TBC1D22A: variants seen among roughly 807,000 people sequenced by gnomAD.
TBC1D22A encodes TBC1 domain family member 22A.
TBC1D22A carries 38 observed loss-of-function variants against 60.2 expected under a neutral mutation model. The ratio of observed to expected loss-of-function variants is 0.63; its 90% CI spans 0.49 to 0.83. The LOEUF (loss-of-function observed/expected upper bound fraction) is 0.83. Ranked by LOEUF, TBC1D22A falls within the 40% of genes least tolerant of loss-of-function variation. TBC1D22A has a pLI of 0.00. For synonymous variants in TBC1D22A, 302 were observed against 281.7 expected, an observed-to-expected ratio of 1.07 and a Z score of -0.72; for missense variants, 628 against 701.0, an observed-to-expected ratio of 0.90 and a Z score of 1.18.
intron 1 of TBC1D22A, among the ~76,000 whole-genome samples, chr22:46,776,968 C>T (rs1020917067): frequency 6.6e-6 from 1 of 151,950 alleles, no homozygotes; most frequent in African/African-American, 2.4e-5. Flanking sequence ...AGAGCTGAGG[C>T]CAAACCCTGG....
intron 1 of TBC1D22A, among the ~76,000 whole-genome samples, chr22:46,781,691 C>T (rs2083943968): frequency 6.6e-6 from 1 of 152,226 alleles, no homozygotes; most frequent in Admixed American, 6.5e-5. Flanking sequence ...GGGCATCTCT[C>T]TGCCGGCCCC....
At chr22:47,013,627 G>A (rs1258357886) in intron 10 of TBC1D22A, among the ~76,000 whole-genome samples, 11 of 152,172 alleles carry the variant, frequency 7.2e-5, no homozygotes, top group Admixed American at 7.2e-4. Context: ...AGGTGGAAAC[G>A]CATTGCCTTT....
At chr22:46,863,026 G>T (rs1320123283) in intron 4 of TBC1D22A, among the ~76,000 whole-genome samples, 3 of 152,242 alleles carry the variant, frequency 2.0e-5, no homozygotes, top group East Asian at 1.9e-4. Flanking sequence ...CATAGTCTGC[G>T]CAGGGTAAGC....
rs141703621 is a variant in TBC1D22A at position 47,147,242 on chromosome 22, C to A, written c.1426-26256C>A. ...GAGCAATACTAAACCAACTCGGAGT[C>A]GGTCTGCTTTTGCTATAATCAGTTG... On this transcript the variant is annotated intron_variant, in intron 12 of 12. Coordinates refer to ENST00000337137, the MANE Select transcript of TBC1D22A (RefSeq NM_014346.5). Among the ~76,000 whole-genome samples, 30 of 152,340 alleles carry A rather than the reference C, an allele frequency of 2.0e-4. 1 individual carries two copies. In the East Asian group the frequency reaches 5.6e-3, roughly 28 times the overall value.
chr22:47,049,651 C>T (rs375394392), intron 11 of TBC1D22A, among the ~76,000 whole-genome samples: 68 of 152,302 alleles, frequency 4.5e-4, no homozygotes, highest in African/African-American at 1.6e-3. Flanking sequence ...AAACATAACA[C>T]AAATCAAATA....
At chr22:46,803,493 T>C (rs1418664691) in intron 4 of TBC1D22A, among the ~76,000 whole-genome samples, 1 of 152,132 alleles carries the variant, frequency 6.6e-6, no homozygotes, top group Non-Finnish European at 1.5e-5. Context: ...GGGAGGGCGG[T>C]TGGTTCTTGC....
chr22:47,063,317 C>T (rs2063644811), intron 11 of TBC1D22A, among the ~76,000 whole-genome samples: 1 of 152,098 alleles, frequency 6.6e-6, no homozygotes, highest in African/African-American at 2.4e-5. Context: ...CTAAGGGCCA[C>T]CCAGCAGGAG....
intron 11 of TBC1D22A, among the ~76,000 whole-genome samples, chr22:47,106,182 G>A (rs1358850618): frequency 1.3e-5 from 2 of 152,122 alleles, no homozygotes; most frequent in African/African-American, 4.8e-5. Flanking sequence ...AGGAAATGGA[G>A]GATAGAATGA....
At chr22:47,144,232 C>T (rs1292999131) in intron 12 of TBC1D22A, among the ~76,000 whole-genome samples, 3 of 152,178 alleles carry the variant, frequency 2.0e-5, no homozygotes, top group South Asian at 2.1e-4. Context: ...GAGCCGTGCA[C>T]TTGGGCTGCC....
intron 1 of TBC1D22A, among the ~76,000 whole-genome samples, chr22:46,768,603 T>C (rs1267622784): frequency 6.6e-6 from 1 of 152,106 alleles, no homozygotes; most frequent in Non-Finnish European, 1.5e-5. Flanking sequence ...CTTTCCGCAG[T>C]TGCAGTTGGA....
At chr22:47,169,218 G>A (rs2068332004) in intron 12 of TBC1D22A, among the ~76,000 whole-genome samples, 1 of 152,208 alleles carries the variant, frequency 6.6e-6, no homozygotes, top group African/African-American at 2.4e-5. Context: ...ACTTCTGCCT[G>A]GGTGGTGTGG....
At chr22:46,805,784 C>T (rs538473756) in intron 4 of TBC1D22A, among the ~76,000 whole-genome samples, 55 of 151,968 alleles carry the variant, frequency 3.6e-4, no homozygotes, top group African/African-American at 1.2e-3. Flanking sequence ...TGTCTCTCAC[C>T]GCCCCCCCAC....
intron 12 of TBC1D22A, among the ~76,000 whole-genome samples, chr22:47,142,639 A>ACCATCCATCCATCCATCCAT (rs1264614769): frequency 8.9e-6 from 1 of 112,950 alleles, no homozygotes; most frequent in East Asian, 2.8e-4. Context: ...TCACCTGCCC[A>ACCATCCATCCATCCATCCAT]CCATCCATCC....
chr22:47,002,576 AT>A (rs1466280559), intron 10 of TBC1D22A, among the ~76,000 whole-genome samples: 1 of 152,236 alleles, frequency 6.6e-6, no homozygotes, highest in African/African-American at 2.4e-5. Flanking sequence ...TGTCCATTTG[AT>A]TATGTCCATT....
Position 46,782,847 on chromosome 22 carries a change from G to A in TBC1D22A, c.63-9673G>A, listed in dbSNP as rs115071500. Among the ~76,000 whole-genome samples the A allele has an allele frequency of 4.3e-3, 653 of 152,274 alleles. 3 individuals carry two copies. Among genetic ancestry groups the A allele is most frequent in the African/African-American group, 0.015 (609 of 41,550 alleles). The stretch of plus-strand genomic sequence containing the variant: ...TAATATTACTCCATTGTGTGGTTAG[G>A]CCACGTTGTATTGACCCATTCATCA... On this transcript the variant is annotated intron_variant, in intron 1 of 12. Coordinates refer to ENST00000337137, the MANE Select transcript of TBC1D22A (RefSeq NM_014346.5).
chr22:46,809,044 G>A (rs2085273508), intron 4 of TBC1D22A, among the ~76,000 whole-genome samples: 1 of 152,176 alleles, frequency 6.6e-6, no homozygotes. Flanking sequence ...TAAAGAATAG[G>A]TTAGTGTATT....
At chr22:47,043,346 C>T (rs1010679123) in intron 11 of TBC1D22A, among the ~76,000 whole-genome samples, 1 of 152,074 alleles carries the variant, frequency 6.6e-6, no homozygotes, top group African/African-American at 2.4e-5. Context: ...TGGGCCGGGG[C>T]GACGGGCACG....
chr22:47,013,779 C>A (rs1214479162), intron 10 of TBC1D22A, among the ~76,000 whole-genome samples: 1 of 152,230 alleles, frequency 6.6e-6, no homozygotes, highest in Non-Finnish European at 1.5e-5. Context: ...CTCCTCTCTA[C>A]CCCCTCGTCT....
At chr22:47,047,874 C>T (rs1183976224) in intron 11 of TBC1D22A, among the ~76,000 whole-genome samples, 1 of 152,236 alleles carries the variant, frequency 6.6e-6, no homozygotes, top group Non-Finnish European at 1.5e-5. Flanking sequence ...TTTTCTGCTG[C>T]AGACTCTGCT....
Sources: gnomAD v4.1 joint callset for allele counts (sites outside exome capture counted in the v4.1 genomes callset) on GRCh38, gnomAD v4.1.1 for gene constraint, MANE v1.5 for transcripts, NCBI Gene and HGNC (gene_info 2026-07-23, HGNC 2026-07-21) for gene names.